XKR4: variants seen among roughly 807,000 people sequenced by gnomAD.
XKR4 encodes XK-related protein 4.
Under a neutral mutation model 53.9 loss-of-function variants are expected in XKR4, and 12 were observed. The ratio of observed to expected loss-of-function variants is 0.22; its 90% CI spans 0.14 to 0.36. The LOEUF (loss-of-function observed/expected upper bound fraction) is 0.36, where lower values mean the gene tolerates loss of function less well. Ranked by LOEUF, XKR4 falls within the 10% of genes least tolerant of loss-of-function variation. The probability of loss-of-function intolerance (pLI) is 1.00; values close to 1 mark genes in which losing one functional copy is unlikely to be tolerated. For missense variants in XKR4, 799 were observed against 859.5 expected (o/e 0.93, Z 0.88); for synonymous variants, 354 against 362.4 (o/e 0.98, Z 0.26).
intron 1 of XKR4, among the ~76,000 whole-genome samples, chr8:55,289,646 A>AAAGGAAGG (rs770482436): frequency 0.015 from 1,345 of 86,874 alleles, 58 homozygotes; most frequent in African/African-American, 0.051. Flanking sequence ...AGAAAGAAAG[A>AAAGGAAGG]AAGGAAGGAA....
At position 55,313,598 on chromosome 8, in the gene XKR4, G is replaced by A. The variant is rs77212699; in HGVS notation, c.807-44080G>A. ...TGGGGGTGTCTACTTGTTCAGTCTG[G>A]GCAAATACCCCATCAACCAGCTGGC... On this transcript the variant is annotated intron_variant, in intron 1 of 2. Coordinates refer to ENST00000327381, the MANE Select transcript of XKR4 (RefSeq NM_052898.2). Among the ~76,000 whole-genome samples the A allele has an allele frequency of 1.4e-3, 216 of 152,228 alleles. 1 individual carries two copies. The highest frequency in any genetic ancestry group is 6.4e-3 in the South Asian group (31 of 4,812).
At chr8:55,183,088 T>A (rs558542781) in intron 1 of XKR4, among the ~76,000 whole-genome samples, 2 of 152,172 alleles carry the variant, frequency 1.3e-5, no homozygotes, top group South Asian at 4.2e-4. Context: ...GTCTATGGGG[T>A]TAATATTGAT....
intron 2 of XKR4, among the ~76,000 whole-genome samples, chr8:55,512,729 G>A (rs150847388): frequency 1.1e-3 from 167 of 152,154 alleles, no homozygotes; most frequent in African/African-American, 3.9e-3. Context: ...TATGAGTCTG[G>A]GCCTTCTGAG....
At chr8:55,351,860 A>G (rs1257907752) in intron 1 of XKR4, among the ~76,000 whole-genome samples, 1 of 152,188 alleles carries the variant, frequency 6.6e-6, no homozygotes, top group Non-Finnish European at 1.5e-5. Context: ...CAGATTCCCT[A>G]CTTTTCCATT....
chr8:55,164,412 G>C (rs1411834077), intron 1 of XKR4: 2 of 456,158 alleles, frequency 4.4e-6, no homozygotes, highest in Non-Finnish European at 8.8e-6. Flanking sequence ...TTGACTGACA[G>C]ATCTCCCAGA....
intron 2 of XKR4, among the ~76,000 whole-genome samples, chr8:55,511,638 C>A (rs1265107046): frequency 6.6e-6 from 1 of 152,266 alleles, no homozygotes; most frequent in South Asian, 2.1e-4. Flanking sequence ...AATCCTGGAA[C>A]AGCTTCGACT....
chr8:55,289,689 AAGAAAGAG>A (rs1563316543), intron 1 of XKR4, among the ~76,000 whole-genome samples: 1 of 144,664 alleles, frequency 6.9e-6, no homozygotes, highest in Non-Finnish European at 1.5e-5. Context: ...GAAAGAAAGA[AAGAAAGAG>A]AAAGAAAGAA....
intron 2 of XKR4, among the ~76,000 whole-genome samples, chr8:55,501,450 CTG>C (rs532611639): frequency 8.7e-5 from 13 of 149,602 alleles, no homozygotes; most frequent in Non-Finnish European, 1.8e-4. Context: ...CAAACACTAA[CTG>C]TTAATTCTCC....
intron 2 of XKR4, among the ~76,000 whole-genome samples, chr8:55,375,988 T>C (rs1804146486): frequency 6.6e-6 from 1 of 152,208 alleles, no homozygotes; most frequent in African/African-American, 2.4e-5. Context: ...TGTTTGGTTT[T>C]CTGTTCCTAT....
chr8:55,242,760 G>A (rs879387589), intron 1 of XKR4, among the ~76,000 whole-genome samples: 2 of 152,166 alleles, frequency 1.3e-5, no homozygotes, highest in Admixed American at 1.3e-4. Context: ...GGAGGCATGT[G>A]TGCAGAGCTA....
intron 2 of XKR4, 89 bp from the exon 3 acceptor site, chr8:55,523,192 C>A: frequency 8.2e-7 from 1 of 1,221,606 alleles, no homozygotes; most frequent in Non-Finnish European, 1.1e-6. Flanking sequence ...TCAAAGCCAG[C>A]CTTCCCCAAG....
At chr8:55,312,281 C>T (rs1819399953) in intron 1 of XKR4, among the ~76,000 whole-genome samples, 1 of 151,840 alleles carries the variant, frequency 6.6e-6, no homozygotes, top group Non-Finnish European at 1.5e-5. Context: ...AAACCATTTC[C>T]TCAAGTTAAT....
intron 2 of XKR4, among the ~76,000 whole-genome samples, chr8:55,482,304 C>T (rs1806121858): frequency 6.6e-6 from 1 of 151,998 alleles, no homozygotes; most frequent in African/African-American, 2.4e-5. Flanking sequence ...GGACAAAAAA[C>T]CAAACACCGT....
At chr8:55,402,624 A>G (rs529920579) in intron 2 of XKR4, among the ~76,000 whole-genome samples, 6 of 152,322 alleles carry the variant, frequency 3.9e-5, no homozygotes, top group African/African-American at 1.2e-4. Flanking sequence ...TTTTACTATG[A>G]TTCAAATTGT....
chr8:55,454,559 A>T, intron 2 of XKR4: 3 of 1,436,030 alleles, frequency 2.1e-6, no homozygotes, highest in Non-Finnish European at 2.9e-6. Context: ...ATGGGCAGGG[A>T]GTCGGCCAGT....
intron 1 of XKR4, chr8:55,164,174 C>A: frequency 2.2e-6 from 1 of 456,572 alleles, no homozygotes; most frequent in East Asian, 6.9e-5. Context: ...TGGCCTGGCC[C>A]AGCACACAGG....
chr8:55,292,145 G>A (rs901169803), intron 1 of XKR4, among the ~76,000 whole-genome samples: 3 of 151,942 alleles, frequency 2.0e-5, no homozygotes, highest in African/African-American at 7.2e-5. Context: ...TTTTCCTTTT[G>A]TGCTGTGTCT....
intron 2 of XKR4, among the ~76,000 whole-genome samples, chr8:55,506,884 G>A (rs1361008803): frequency 6.6e-6 from 1 of 152,166 alleles, no homozygotes; most frequent in Non-Finnish European, 1.5e-5. Flanking sequence ...ATTCCACAAG[G>A]ACAATTACTA....
intron 1 of XKR4, among the ~76,000 whole-genome samples, chr8:55,141,446 C>A (rs374779733): frequency 6.6e-6 from 1 of 152,044 alleles, no homozygotes; most frequent in African/African-American, 2.4e-5. Flanking sequence ...CTACTGGGGC[C>A]CCAAATCCCA....
Sources: gnomAD v4.1 joint callset for allele counts (sites outside exome capture counted in the v4.1 genomes callset) on GRCh38, gnomAD v4.1.1 for gene constraint, MANE v1.5 for transcripts, NCBI Gene and HGNC (gene_info 2026-07-23, HGNC 2026-07-21) for gene names.